Variants in MIA3 observed in about 807,000 individuals in gnomAD.
MIA3 encodes the protein transport and Golgi organization protein 1 homolog.
A neutral mutation model predicts 192.4 loss-of-function variants in MIA3; 90 were observed. The observed-to-expected ratio is 0.47, with a 90% CI of 0.39 to 0.56. The LOEUF is 0.56. MIA3 is among the 20% of genes least tolerant of loss of function. MIA3 has a pLI of 0.00. For missense variants in MIA3, 2,123 were observed against 2,269.4 expected, an observed-to-expected ratio of 0.94 and a Z score of 1.31; for synonymous variants, 740 against 792.8, an observed-to-expected ratio of 0.93 and a Z score of 1.12.
Position 222,629,862 on chromosome 1 carries a change from A to G in MIA3, c.2642A>G (p.Glu881Gly), listed in dbSNP as rs2936051. Residue 881 changes from glutamate (E) to glycine (G), a missense_variant, in exon 4 of 28, where the codon GAG becomes GGG. By Grantham distance (98) the Glu-to-Gly change is moderately conservative. Transcript: ENST00000344922. ...PEGELSKEDH[E>G]NTEKYMGTES... ...GGAGAACTCTCAAAAGAGGACCATGAGAACACAGAGAAGTACATGGGCACA... is the reference window on the plus strand; with the variant it reads ...GGAGAACTCTCAAAAGAGGACCATGGGAACACAGAGAAGTACATGGGCACA... 0.2 allele frequency: 328,294 copies of G among 1,613,382 alleles called. 38,484 individuals carry two copies. Among genetic ancestry groups the G allele is most frequent in the Admixed American group, 0.48 (29,015 of 59,904 alleles).
rs1558191276 is a variant in MIA3 at position 222,652,209 on chromosome 1, TAGG to T, written c.3982-16_3982-14del. On this transcript the variant is annotated splice_polypyrimidine_tract_variant and intron_variant, in intron 12 of 27. Coordinates refer to ENST00000344922, the MANE Select transcript of MIA3 (RefSeq NM_198551.4). ...GTTTTCTTTGGAATTAATTCACTAA[TAGG>T]AGTGTTTTGCATTAGGTTCAGATTG... The T allele has an allele frequency of 3.2e-6, 5 of 1,569,128 alleles. No individual in the cohort carries two copies. The highest frequency in any genetic ancestry group is 3.5e-6 in the Non-Finnish European group (4 of 1,140,718).
At position 222,648,972 on chromosome 1, in the gene MIA3, C is replaced by G. The variant is rs1367385073; in HGVS notation, c.3631+122C>G. On this transcript the variant is annotated intron_variant, in intron 8 of 27. Transcript: ENST00000344922. ...CTGACTGACTTATAGCTTCTGAAAA[C>G]TTTACTGTTCCTAGGTTGCCAGGTT... 4 of 651,040 alleles carry G rather than the reference C, an allele frequency of 6.1e-6. No homozygotes were observed. The East Asian group carries it at 1.2e-4, about 19-fold the overall frequency. The allele number at this position is 651,040 out of a possible 1,614,324, so 40.3% of individuals were successfully genotyped here.
chr1:222,650,207 A>G, intron 8 of MIA3, 85 bp from the exon 9 acceptor site: 7 of 790,930 alleles, frequency 8.9e-6, no homozygotes, highest in South Asian at 1.5e-5. Context: ...ATAGTGCAAG[A>G]TAACATGTCT....
Position 222,628,934 on chromosome 1 carries a change from A to T in MIA3, c.1714A>T (p.Ile572Phe). The change falls in exon 4 of 28, where the codon ATT becomes TTT. Residue 572 changes from isoleucine (I) to phenylalanine (F), a missense_variant. Coordinates refer to ENST00000344922, the MANE Select transcript of MIA3 (RefSeq NM_198551.4). ...AGGGAATCAAATGAATGACAGAAAG[A>T]TTCAACAGGAATCCCTGGGTAGTGC... ...AAGNQMNDRK[I>F]QQESLGSAPL... 1 of 1,614,216 alleles carries T rather than the reference A, an allele frequency of 6.2e-7. No individual in the cohort carries two copies. The highest frequency in any genetic ancestry group is 1.1e-5 in the South Asian group (1 of 91,086).
intron 7 of MIA3, 75 bp from the exon 8 acceptor site, chr1:222,648,754 C>G: frequency 1.2e-6 from 1 of 853,362 alleles, no homozygotes; most frequent in Non-Finnish European, 1.9e-6. Context: ...ACAATTCTGA[C>G]AGTTGTATTA....
intron 6 of MIA3, among the ~76,000 whole-genome samples, chr1:222,638,322 A>G (rs1662718059): frequency 6.6e-6 from 1 of 152,210 alleles, no homozygotes; most frequent in South Asian, 2.1e-4. Flanking sequence ...AAATCCCCAA[A>G]TATTTGGAAA....
chr1:222,657,576 T>A (rs1663797645), intron 18 of MIA3, among the ~76,000 whole-genome samples: 1 of 152,228 alleles, frequency 6.6e-6, no homozygotes, highest in African/African-American at 2.4e-5. Flanking sequence ...ATTTTCAGTG[T>A]TTGCAGACTA....
chr1:222,634,504 T>C (rs1662545969), intron 6 of MIA3, among the ~76,000 whole-genome samples: 1 of 152,166 alleles, frequency 6.6e-6, no homozygotes, highest in Non-Finnish European at 1.5e-5. Flanking sequence ...GAGTCACTTA[T>C]GGCAGAATAT....
chr1:222,663,970 C>CAA (rs1413682940), intron 26 of MIA3, 28 bp from the exon 27 acceptor site: 1 of 1,587,024 alleles, frequency 6.3e-7, no homozygotes, highest in Non-Finnish European at 8.6e-7. Flanking sequence ...CATAGTATTT[C>CAA]AAAACTTCAA....
chr1:222,665,231 ACTATATT>A, intron 27 of MIA3, 71 bp from the exon 28 acceptor site: 1 of 843,860 alleles, frequency 1.2e-6, no homozygotes, highest in Non-Finnish European at 1.9e-6. Flanking sequence ...AGGATGACAG[ACTATATT>A]AACATACCTG....
intron 22 of MIA3, 46 bp from the exon 23 acceptor site, chr1:222,659,860 A>G (rs541426791): frequency 2.5e-6 from 4 of 1,604,740 alleles, no homozygotes; most frequent in South Asian, 1.1e-5. Flanking sequence ...ATTGGTTTCT[A>G]TTTCATATTT....
chr1:222,654,307 G>A lies in MIA3; in HGVS notation c.4377+9G>A, dbSNP rs761988948. 4.0e-5 allele frequency: 65 copies of A among 1,613,650 alleles called. No homozygotes were observed. The highest frequency in any genetic ancestry group is 4.7e-5 in the Non-Finnish European group (56 of 1,179,808). ...TGATGGATGTCTCTCGGGTATAATC[G>A]TTTTTAGAGTCCCATAATTGCCTGT... On this transcript the variant is annotated intron_variant, in intron 16 of 27. Transcript: ENST00000344922.
intron 18 of MIA3, among the ~76,000 whole-genome samples, chr1:222,655,962 C>CTTTT (rs1283360501): frequency 1.8e-3 from 130 of 71,242 alleles, no homozygotes; most frequent in Admixed American, 2.1e-3. Context: ...ACTTTCTTTC[C>CTTTT]CTTTTTTTTT....
At chr1:222,636,339 C>T (rs1662621948) in intron 6 of MIA3, among the ~76,000 whole-genome samples, 1 of 152,060 alleles carries the variant, frequency 6.6e-6, no homozygotes, top group Admixed American at 6.5e-5. Flanking sequence ...AGCCCTGTGA[C>T]AACTCTGGGA....
chr1:222,625,119 C>T (rs1453947502), intron 3 of MIA3, among the ~76,000 whole-genome samples: 1 of 151,882 alleles, frequency 6.6e-6, no homozygotes, highest in African/African-American at 2.4e-5. Flanking sequence ...ACGCCATTCT[C>T]CTGCCTCAGC....
chr1:222,641,336 A>G (rs1662843238), intron 6 of MIA3: 2 of 297,628 alleles, frequency 6.7e-6, no homozygotes, highest in Admixed American at 4.5e-5. Flanking sequence ...GGCATTAAAT[A>G]TAAGACCCTT....
chr1:222,647,998 G>C, intron 7 of MIA3: 1 of 314,344 alleles, frequency 3.2e-6, no homozygotes. Flanking sequence ...TTGTGGACTG[G>C]TGTTAGTATC....
chr1:222,624,422 T>A (rs1280143738), intron 2 of MIA3, among the ~76,000 whole-genome samples: 5 of 152,262 alleles, frequency 3.3e-5, no homozygotes, highest in Non-Finnish European at 7.3e-5. Flanking sequence ...TGAGCTCAAG[T>A]ATTGTGAGTA....
Position 222,652,998 on chromosome 1 carries a change from A to T in MIA3, c.4087-10A>T, listed in dbSNP as rs778084065. Reference sequence around the variant, plus strand: ...CTAACCTGTGGGAATCATGTGTTTTAACTTTGCAGTTGCAGCAGGAAATCG... The same window carrying T: ...CTAACCTGTGGGAATCATGTGTTTTTACTTTGCAGTTGCAGCAGGAAATCG... On this transcript the variant is annotated splice_polypyrimidine_tract_variant and intron_variant, in intron 13 of 27. Coordinates refer to ENST00000344922, the MANE Select transcript of MIA3 (RefSeq NM_198551.4). 1 of 1,608,002 alleles carries T rather than the reference A, an allele frequency of 6.2e-7. No individual in the cohort carries two copies. The highest frequency in any genetic ancestry group is 8.5e-7 in the Non-Finnish European group (1 of 1,175,572).
Sources: gnomAD v4.1 joint callset for allele counts (sites outside exome capture counted in the v4.1 genomes callset) on GRCh38, gnomAD v4.1.1 for gene constraint, MANE v1.5 for transcripts, NCBI Gene and HGNC (gene_info 2026-07-23, HGNC 2026-07-21) for gene names.